Variants in ADGRL3 observed in about 807,000 individuals in gnomAD.
ADGRL3 encodes the protein calcium-independent alpha-latrotoxin receptor 3.
In ADGRL3, 62 loss-of-function variants were observed where a neutral mutation model predicts 153.5. The observed-to-expected ratio is 0.40, with a 90% CI of 0.33 to 0.50. The LOEUF is 0.50. ADGRL3 is among the 20% of genes least tolerant of loss of function. The pLI is 0.47. For missense variants in ADGRL3, 1,641 were observed against 1,859.4 expected (o/e 0.88, Z 2.16); for synonymous variants, 710 against 672.5 (o/e 1.06, Z -0.86).
chr4:61,345,342 TTAA>T (rs1216663841), intron 1 of ADGRL3, among the ~76,000 whole-genome samples: 2 of 152,144 alleles, frequency 1.3e-5, no homozygotes, highest in Non-Finnish European at 1.5e-5. Flanking sequence ...CTGTACATGA[TTAA>T]TGACTCTGAA....
At position 61,892,856 on chromosome 4, in the gene ADGRL3, G is replaced by T. The variant is rs1230431720; in HGVS notation, c.1681G>T (p.Ala561Ser). ...HLPSASSQIP[A>S]LEESCEAVEA... ...TCCATCAGCATCGTCCCAAATCCCA[G>T]CTCTCGAAGAGAGCTGTGAGGCTGT... The change falls in exon 10 of 27, where the codon GCT becomes TCT. Residue 561 changes from alanine (A) to serine (S), a missense_variant. Around this residue, in one of 5 missense-constraint regions of ADGRL3, gnomAD observed 734 missense variants for 797.0 expected, o/e 0.92. Coordinates refer to ENST00000683033, the MANE Select transcript of ADGRL3 (RefSeq NM_001387552.1). The T allele has an allele frequency of 3.1e-6, 5 of 1,612,702 alleles. No homozygotes were observed. The East Asian group carries it at 1.1e-4, about 36-fold the overall frequency.
chr4:61,754,575 C>A (rs2152091384), intron 8 of ADGRL3, among the ~76,000 whole-genome samples: 1 of 151,826 alleles, frequency 6.6e-6, no homozygotes, highest in African/African-American at 2.4e-5. Context: ...CCAATGGGTT[C>A]ACCTTGCCCA....
chr4:61,233,021 T>C (rs936442422), intron 1 of ADGRL3, among the ~76,000 whole-genome samples: 3 of 152,216 alleles, frequency 2.0e-5, no homozygotes, highest in Non-Finnish European at 4.4e-5. Context: ...TGCAGAATTA[T>C]GTGCTTGAAT....
intron 9 of ADGRL3, among the ~76,000 whole-genome samples, chr4:61,887,584 C>T (rs2098546813): frequency 6.6e-6 from 1 of 152,162 alleles, no homozygotes; most frequent in Non-Finnish European, 1.5e-5. Context: ...TGGTGGCCCA[C>T]ACCTGTAATC....
intron 5 of ADGRL3, among the ~76,000 whole-genome samples, chr4:61,601,747 G>C (rs866591202): frequency 3.9e-5 from 6 of 152,116 alleles, no homozygotes; most frequent in African/African-American, 1.4e-4. Flanking sequence ...TTCTGCTAAG[G>C]AAGACAACAT....
At chr4:61,325,634 C>T (rs915627895) in intron 1 of ADGRL3, among the ~76,000 whole-genome samples, 14 of 152,162 alleles carry the variant, frequency 9.2e-5, no homozygotes, top group African/African-American at 3.4e-4. Flanking sequence ...AGTTCTGCCC[C>T]TGTGCATCCT....
At chr4:61,236,263 G>C (rs1752827438) in intron 1 of ADGRL3, among the ~76,000 whole-genome samples, 1 of 151,954 alleles carries the variant, frequency 6.6e-6, no homozygotes, top group Non-Finnish European at 1.5e-5. Context: ...GCCCACCTTG[G>C]CCTCCCAAAG....
intron 9 of ADGRL3, among the ~76,000 whole-genome samples, chr4:61,861,464 C>T (rs769869337): frequency 6.6e-6 from 1 of 151,924 alleles, no homozygotes; most frequent in Admixed American, 6.6e-5. Context: ...AAATAGTATG[C>T]TTGATTGAGC....
intron 9 of ADGRL3, among the ~76,000 whole-genome samples, chr4:61,865,127 A>G (rs1473969981): frequency 6.6e-6 from 1 of 152,152 alleles, no homozygotes; most frequent in East Asian, 1.9e-4. Context: ...ACGAAATAAA[A>G]TTTTGGTCTT....
At chr4:61,705,418 A>G (rs1446721742) in intron 6 of ADGRL3, among the ~76,000 whole-genome samples, 1 of 149,132 alleles carries the variant, frequency 6.7e-6, no homozygotes. Flanking sequence ...TATTAGATAT[A>G]CATGTTATAT....
At chr4:61,522,542 TA>T (rs532438526) in intron 4 of ADGRL3, among the ~76,000 whole-genome samples, 140 of 152,238 alleles carry the variant, frequency 9.2e-4, no homozygotes, top group African/African-American at 3.2e-3. Flanking sequence ...GATGATGTAA[TA>T]AACTGTTAGG....
chr4:61,669,154 T>C (rs1269382122), intron 5 of ADGRL3, among the ~76,000 whole-genome samples: 3 of 152,202 alleles, frequency 2.0e-5, no homozygotes, highest in Non-Finnish European at 4.4e-5. Flanking sequence ...AATATATATA[T>C]GGGAGAACTT....
intron 9 of ADGRL3, among the ~76,000 whole-genome samples, chr4:61,830,848 C>A (rs905181363): frequency 6.6e-6 from 1 of 152,054 alleles, no homozygotes; most frequent in East Asian, 1.9e-4. Flanking sequence ...TATTATTGAC[C>A]TAGCTTTATT....
intron 8 of ADGRL3, among the ~76,000 whole-genome samples, chr4:61,749,936 CTG>C: frequency 6.6e-6 from 1 of 151,764 alleles, no homozygotes; most frequent in Non-Finnish European, 1.5e-5. Flanking sequence ...CACAGATCTG[CTG>C]TGAGATGTAG....
At chr4:61,521,618 G>A (rs2098531683) in intron 4 of ADGRL3, among the ~76,000 whole-genome samples, 1 of 152,090 alleles carries the variant, frequency 6.6e-6, no homozygotes, top group African/African-American at 2.4e-5. Flanking sequence ...AGGAGTGAGT[G>A]ATAGTAGTGA....
chr4:61,844,570 A>AG (rs1235311686), intron 9 of ADGRL3, among the ~76,000 whole-genome samples: 1 of 73,462 alleles, frequency 1.4e-5, no homozygotes, highest in Admixed American at 2.1e-4. Flanking sequence ...AAAAAAAAAA[A>AG]AAAAAATATA....
At chr4:61,797,947 C>T (rs888488430) in intron 8 of ADGRL3, among the ~76,000 whole-genome samples, 14 of 152,156 alleles carry the variant, frequency 9.2e-5, no homozygotes, top group South Asian at 6.2e-4. Flanking sequence ...TGTGACTTTA[C>T]GAAAATCGCT....
rs555412528 is a variant in ADGRL3 at position 61,482,720 on chromosome 4, A to T, written c.-173-14401A>T. ...AACCATTTTAGGAAATGTTATAATT[A>T]TTAAGAAAATAAAATTGTATTAAAA... On this transcript the variant is annotated intron_variant, in intron 2 of 26. Coordinates refer to ENST00000683033, the MANE Select transcript of ADGRL3 (RefSeq NM_001387552.1). Among the ~76,000 whole-genome samples, 26 of 152,306 alleles carry T rather than the reference A, an allele frequency of 1.7e-4. No homozygotes were observed. The Middle Eastern group carries it at 0.01, about 60-fold the overall frequency.
chr4:61,580,378 T>G (rs2098919076), intron 4 of ADGRL3, among the ~76,000 whole-genome samples: 1 of 152,084 alleles, frequency 6.6e-6, no homozygotes, highest in Admixed American at 6.6e-5. Flanking sequence ...CTAAATGCTG[T>G]TTAAGCAAAC....
Sources: gnomAD v4.1 joint callset for allele counts (sites outside exome capture counted in the v4.1 genomes callset) on GRCh38, gnomAD v4.1.1 for gene constraint, gnomAD v4.1.1 regional missense constraint, MANE v1.5 for transcripts, NCBI Gene and HGNC (gene_info 2026-07-23, HGNC 2026-07-21) for gene names.